The following HHIP variants were observed in gnomAD, a reference collection of about 807,000 sequenced individuals.
HHIP encodes the protein hedgehog interacting protein.
A neutral mutation model predicts 74.0 loss-of-function variants in HHIP; 12 were observed. The ratio of observed to expected loss-of-function variants is 0.16; its 90% confidence interval spans 0.10 to 0.26. The LOEUF is 0.26. HHIP is among the 10% of genes least tolerant of loss of function. The probability of loss-of-function intolerance (pLI) is 1.00; values close to 1 mark genes in which losing one functional copy is unlikely to be tolerated. For missense variants in HHIP, 788 were observed against 845.0 expected, an observed-to-expected ratio of 0.93 and a Z score of 0.84; for synonymous variants, 309 against 311.6, an observed-to-expected ratio of 0.99 and a Z score of 0.09.
rs758529834 is a variant in HHIP, at chr4:144,711,968, T to A, written c.1320T>A (p.His440Gln). 1.1e-5 allele frequency: 17 copies of A among 1,611,500 alleles called. No homozygotes were observed. The highest frequency in any genetic ancestry group is 1.3e-5 in the Non-Finnish European group (15 of 1,178,340). Residue 440 changes from histidine to glutamine, a missense_variant, in exon 8 of 13, where the codon CAT becomes CAA. His to Gln is a conservative substitution (Grantham distance 24). This residue lies in a region of HHIP where 343 missense variants were observed against 347.9 expected (regional missense o/e 0.99). Coordinates refer to ENST00000296575, the MANE Select transcript of HHIP (RefSeq NM_022475.3). ...HDPGRCAVDR[H>Q]PTDININLTI... ...TATGCAGATGTGCTGTGGATAGACATCCCACTGATATAAACATCAATTTAA... is the reference window on the plus strand; with the variant it reads ...TATGCAGATGTGCTGTGGATAGACAACCCACTGATATAAACATCAATTTAA...
In HHIP at chr4:144,738,372, T is replaced by TA. The variant is rs1393317304; in HGVS notation, c.*415_*416insA. ...GTACTGTGCAATCCGATGGATCTAA[T>TA]TAAAAAAAAGGCAATATTTTTATAT... On this transcript the variant is annotated 3_prime_UTR_variant, in exon 13 of 13. Coordinates refer to ENST00000296575, the MANE Select transcript of HHIP (RefSeq NM_022475.3). 3.1e-6 allele frequency: 3 copies of TA among 977,886 alleles called. No homozygotes were observed. The African/African-American group carries it at 5.3e-5, about 17-fold the overall frequency. 60.6% of individuals were successfully genotyped at this position (977,886 alleles called of 1,614,324 possible).
At position 144,744,154 on chromosome 4, in the gene HHIP, A is replaced by G. The variant is rs890103426; in HGVS notation, c.*6197A>G. Reference sequence around the variant, plus strand: ...GTAACTGAGGTACTATGGAATTTTTAGAACTTGATTCCCCAGGACATGCTA... The same window carrying G: ...GTAACTGAGGTACTATGGAATTTTTGGAACTTGATTCCCCAGGACATGCTA... On this transcript the variant is annotated 3_prime_UTR_variant, in exon 13 of 13. Coordinates refer to ENST00000296575, the MANE Select transcript of HHIP (RefSeq NM_022475.3). 2 of 152,202 alleles carry G rather than the reference A, an allele frequency of 1.3e-5. No homozygotes were observed. Among genetic ancestry groups the G allele is most frequent in the African/African-American group, 2.4e-5 (1 of 41,466 alleles). The allele number at this position is 152,202 out of a possible 1,614,324, so 9.4% of individuals were successfully genotyped here.
chr4:144,735,848 G>A (rs1195244701), intron 12 of HHIP, among the ~76,000 whole-genome samples: 1 of 151,804 alleles, frequency 6.6e-6, no homozygotes, highest in African/African-American at 2.4e-5. Context: ...CACATATAGA[G>A]GATATATTTT....
chr4:144,704,092 T>C (rs1252258753), intron 4 of HHIP, among the ~76,000 whole-genome samples: 1 of 152,204 alleles, frequency 6.6e-6, no homozygotes, highest in Non-Finnish European at 1.5e-5. Flanking sequence ...TTCTAATTTC[T>C]GAATATTTAG....
intron 4 of HHIP, among the ~76,000 whole-genome samples, chr4:144,665,203 G>A (rs1728827780): frequency 6.6e-6 from 1 of 152,006 alleles, no homozygotes; most frequent in Non-Finnish European, 1.5e-5. Context: ...TGAGTAGCTG[G>A]GATTACAGGC....
chr4:144,654,309 T>A (rs1728503491), intron 2 of HHIP, among the ~76,000 whole-genome samples: 1 of 152,126 alleles, frequency 6.6e-6, no homozygotes, highest in Admixed American at 6.6e-5. Context: ...GAATGACAAA[T>A]TTATTTTTCT....
intron 4 of HHIP, among the ~76,000 whole-genome samples, chr4:144,682,381 A>C (rs576990944): frequency 8.5e-5 from 13 of 152,378 alleles, no homozygotes; most frequent in African/African-American, 2.9e-4. Flanking sequence ...GCCACATGGC[A>C]CCACGTTTTG....
chr4:144,741,294 A>T lies in HHIP; in HGVS notation c.*3337A>T, dbSNP rs969282244. On this transcript the variant is annotated 3_prime_UTR_variant, in exon 13 of 13. Coordinates refer to ENST00000296575, the MANE Select transcript of HHIP (RefSeq NM_022475.3). The stretch of plus-strand genomic sequence containing the variant: ...GTCATTTGCATGCCCCAGAGAAGTT[A>T]CTTCTTCCCTATTTATTTCTTTGAA... The T allele has an allele frequency of 6.7e-6, 1 of 150,204 alleles. No homozygotes were observed. The highest frequency in any genetic ancestry group is 1.5e-5 in the Non-Finnish European group (1 of 67,778). 9.3% of individuals were successfully genotyped at this position (150,204 alleles called of 1,614,324 possible).
At position 144,705,223 on chromosome 4, in the gene HHIP, C is replaced by T. The variant is rs139899712; in HGVS notation, c.832-1308C>T. Reference sequence around the variant, plus strand: ...TGTTTATTAAAAGTAAACTTTTCTGCCTAAACCTTTCAATTCTGAACTCCA... The same window carrying T: ...TGTTTATTAAAAGTAAACTTTTCTGTCTAAACCTTTCAATTCTGAACTCCA... On this transcript the variant is annotated intron_variant, in intron 4 of 12. Coordinates refer to ENST00000296575, the MANE Select transcript of HHIP (RefSeq NM_022475.3). 7.9e-3 allele frequency among the ~76,000 whole-genome samples: 1,198 copies of T among 152,244 alleles called. 9 individuals carry two copies. The highest frequency in any genetic ancestry group is 0.013 in the Non-Finnish European group (889 of 68,000).
intron 8 of HHIP, among the ~76,000 whole-genome samples, chr4:144,712,514 T>C (rs1274553855): frequency 6.6e-6 from 1 of 152,188 alleles, no homozygotes; most frequent in Non-Finnish European, 1.5e-5. Flanking sequence ...AATAAGAATG[T>C]AATTTTTTAA....
intron 4 of HHIP, among the ~76,000 whole-genome samples, chr4:144,687,696 C>G (rs1174101116): frequency 6.8e-6 from 1 of 148,102 alleles, no homozygotes; most frequent in Admixed American, 6.7e-5. Context: ...AGCCATAAAA[C>G]TCACTGGTCT....
rs146440830 is a variant in HHIP at position 144,697,080 on chromosome 4, T to C, written c.832-9451T>C. Among the ~76,000 whole-genome samples, 10 of 152,146 alleles carry C rather than the reference T, an allele frequency of 6.6e-5. No homozygotes were observed. The South Asian group carries it at 1.0e-3, about 16-fold the overall frequency. ...TTTTGTTCAACAAGTCTTAAGCCTATGGTTCATAATAGTTTTGTGAGGTTA... is the reference window on the plus strand; with the variant it reads ...TTTTGTTCAACAAGTCTTAAGCCTACGGTTCATAATAGTTTTGTGAGGTTA... On this transcript the variant is annotated intron_variant, in intron 4 of 12. Transcript: ENST00000296575.
intron 4 of HHIP, among the ~76,000 whole-genome samples, chr4:144,684,174 A>G (rs1292915613): frequency 6.9e-6 from 1 of 145,040 alleles, no homozygotes; most frequent in Non-Finnish European, 1.5e-5. Context: ...GGAGTTCGAG[A>G]CCATCCTGGC....
intron 4 of HHIP, among the ~76,000 whole-genome samples, chr4:144,670,471 A>AGC (rs1683576603): frequency 1.3e-5 from 2 of 150,906 alleles, no homozygotes; most frequent in Non-Finnish European, 2.9e-5. Flanking sequence ...AAAAAAAAAA[A>AGC]GCTAAATTAT....
chr4:144,728,353 C>A (rs1037481950), intron 11 of HHIP, among the ~76,000 whole-genome samples: 3 of 152,122 alleles, frequency 2.0e-5, no homozygotes, highest in Non-Finnish European at 4.4e-5. Context: ...AAGAAGACAG[C>A]CAATGCTGAG....
chr4:144,708,410 C>A, intron 7 of HHIP, 99 bp downstream of exon 7: 2 of 1,233,080 alleles, frequency 1.6e-6, no homozygotes, highest in Non-Finnish European at 2.3e-6. Flanking sequence ...ACAGAGCAGC[C>A]AAAGGTAGTA....
intron 4 of HHIP, among the ~76,000 whole-genome samples, chr4:144,684,727 T>C (rs892968014): frequency 2.0e-5 from 3 of 152,178 alleles, no homozygotes; most frequent in Non-Finnish European, 4.4e-5. Context: ...GGGCTTTGAA[T>C]TTTTTAGGAC....
Position 144,652,670 on chromosome 4 carries a change from C to T in HHIP, c.345C>T (p.Cys115=), listed in dbSNP as rs1336035208. ...KLLEEIKCAL[C]SPHSQSLFHS... is the part of the protein sequence containing the mutation. ...TGGAGGAAATCAAATGTGCACTTTG[C>T]TCTCCACATTCTCAAAGCCTGTTCC... The change falls in exon 2 of 13, where the codon TGC becomes TGT. Residue 115 remains cysteine, a synonymous_variant. Transcript: ENST00000296575. 1.2e-6 allele frequency: 2 copies of T among 1,610,230 alleles called. No individual in the cohort carries two copies. The highest frequency in any genetic ancestry group is 1.7e-4 in the Middle Eastern group (1 of 6,050).
chr4:144,723,320 C>T (rs1730690533), intron 11 of HHIP, among the ~76,000 whole-genome samples: 1 of 152,128 alleles, frequency 6.6e-6, no homozygotes, highest in South Asian at 2.1e-4. Flanking sequence ...TGACCAATAT[C>T]AAAAACTGCC....
Sources: gnomAD v4.1 joint callset for allele counts (sites outside exome capture counted in the v4.1 genomes callset) on GRCh38, gnomAD v4.1.1 for gene constraint, gnomAD v4.1.1 regional missense constraint, MANE v1.5 for transcripts, NCBI Gene and HGNC (gene_info 2026-07-23, HGNC 2026-07-21) for gene names.